Variants in KIAA1217 observed in about 807,000 individuals in gnomAD.
KIAA1217 encodes sickle tail protein homolog.
A neutral mutation model predicts 163.9 loss-of-function variants in KIAA1217; 88 were observed. The observed-to-expected ratio is 0.54, with a 90% CI of 0.45 to 0.64. KIAA1217 has a LOEUF of 0.64. Ranked by LOEUF, KIAA1217 falls within the 30% of genes least tolerant of loss-of-function variation. The pLI is 0.00. For missense variants in KIAA1217, 2,372 were observed against 2,475.0 expected (o/e 0.96, Z 0.88); for synonymous variants, 903 against 923.1 (o/e 0.98, Z 0.39).
At chr10:24,345,236 G>C (rs553419888) in intron 2 of KIAA1217, among the ~76,000 whole-genome samples, 2 of 152,344 alleles carry the variant, frequency 1.3e-5, no homozygotes, top group African/African-American at 4.8e-5. Flanking sequence ...AGCCACGGCA[G>C]ATCATGGCAG....
At chr10:23,941,412 A>G (rs1317757732) in intron 1 of KIAA1217, among the ~76,000 whole-genome samples, 2 of 152,222 alleles carry the variant, frequency 1.3e-5, no homozygotes, top group African/African-American at 4.8e-5. Flanking sequence ...GACCAAAAAC[A>G]CACAGAAACT....
chr10:24,201,068 C>T lies in KIAA1217; in HGVS notation c.-170-18558C>T, dbSNP rs186543886. Among the ~76,000 whole-genome samples, 87 of 152,110 alleles carry T rather than the reference C, an allele frequency of 5.7e-4. 1 individual carries two copies. In the East Asian group the frequency reaches 0.016, roughly 28 times the overall value. ...GGTAGATCACCTGAGGTCAGGCGTT[C>T]GAGACCAGTCTGGCCAACATGGTGA... On this transcript the variant is annotated intron_variant, in intron 2 of 18. Coordinates refer to the KIAA1217 transcript ENST00000376462.
At chr10:24,109,752 T>C (rs957062557) in intron 2 of KIAA1217, among the ~76,000 whole-genome samples, 3 of 152,212 alleles carry the variant, frequency 2.0e-5, no homozygotes, top group Admixed American at 6.5e-5. Context: ...ATAAAAAATA[T>C]AGGAAGAATT....
chr10:23,979,140 A>G (rs1385122038), intron 1 of KIAA1217, among the ~76,000 whole-genome samples: 4 of 152,312 alleles, frequency 2.6e-5, no homozygotes, highest in Admixed American at 6.5e-5. Flanking sequence ...TTAAATTGCT[A>G]TTATATCAAA....
chr10:24,400,962 T>TACACACACACACACACACACACAC lies in KIAA1217; in HGVS notation c.553+19909_553+19932dup, dbSNP rs375697958. Among the ~76,000 whole-genome samples the TACACACACACACACACACACACAC allele has an allele frequency of 1.3e-3, 157 of 117,166 alleles. 2 individuals are homozygous for TACACACACACACACACACACACAC. Among genetic ancestry groups the TACACACACACACACACACACACAC allele is most frequent in the African/African-American group, 4.4e-3 (133 of 30,170 alleles). The allele number at this position is 117,166 out of a possible 152,430, so 76.9% of individuals were successfully genotyped here. A position where few individuals can be genotyped will look rare whatever the true frequency, so the allele number is the denominator to read the frequency against. On this transcript the variant is annotated intron_variant, in intron 3 of 20. Transcript: ENST00000376454. The stretch of plus-strand genomic sequence containing the variant: ...AACACAAAATTCCAAGCAAGAAACA[T>TACACACACACACACACACACACAC]ACACACACACACACACACACACACA...
At chr10:24,179,885 G>C (rs1374131566) in intron 2 of KIAA1217, among the ~76,000 whole-genome samples, 1 of 152,140 alleles carries the variant, frequency 6.6e-6, no homozygotes, top group Non-Finnish European at 1.5e-5. Flanking sequence ...ACCATGCCTG[G>C]TCTAGGAATT....
At chr10:23,702,710 A>ACACAC (rs1564350157) in intron 1 of KIAA1217, among the ~76,000 whole-genome samples, 81 of 128,688 alleles carry the variant, frequency 6.3e-4, no homozygotes, top group African/African-American at 2.3e-3. Flanking sequence ...CACACACACA[A>ACACAC]ATATATTGTA....
intron 1 of KIAA1217, among the ~76,000 whole-genome samples, chr10:23,931,128 T>C (rs912834665): frequency 1.3e-5 from 2 of 152,260 alleles, no homozygotes; most frequent in South Asian, 2.1e-4. Context: ...GTCTTACTTA[T>C]AACAACAACT....
intron 1 of KIAA1217, among the ~76,000 whole-genome samples, chr10:23,973,938 G>C (rs1334356817): frequency 6.6e-6 from 1 of 152,172 alleles, no homozygotes; most frequent in Non-Finnish European, 1.5e-5. Flanking sequence ...AGAATCAGAT[G>C]TTAACCAAAT....
rs545847039 is a variant in KIAA1217, at chr10:24,210,407, A to G, written c.70+1144A>G. Reference sequence around the variant, plus strand: ...CTGCCAAAGCACAGCACTCTCCTTCAGGCTACCGGGGTCAGTGGCATCCAG... The same window carrying G: ...CTGCCAAAGCACAGCACTCTCCTTCGGGCTACCGGGGTCAGTGGCATCCAG... On this transcript the variant is annotated intron_variant, in intron 1 of 20. Transcript: ENST00000376454. Among the ~76,000 whole-genome samples the G allele has an allele frequency of 3.3e-5, 5 of 152,254 alleles. No homozygotes were observed. The East Asian group carries it at 9.7e-4, about 29-fold the overall frequency.
intron 1 of KIAA1217, among the ~76,000 whole-genome samples, chr10:23,760,455 A>C (rs1834199724): frequency 6.6e-6 from 1 of 152,236 alleles, no homozygotes. Context: ...ATTGAGATAG[A>C]AAGTTTCAGG....
intron 5 of KIAA1217, among the ~76,000 whole-genome samples, chr10:24,465,123 A>G (rs1019906853): frequency 6.6e-6 from 1 of 152,208 alleles, no homozygotes; most frequent in Non-Finnish European, 1.5e-5. Flanking sequence ...TGCCTAATGT[A>G]TACCAGATTC....
intron 5 of KIAA1217, chr10:24,466,570 A>G (rs1450431825): frequency 1.0e-6 from 1 of 985,220 alleles, no homozygotes; most frequent in Admixed American, 6.2e-5. Context: ...GGGTAATACG[A>G]AATGGTCTTT....
At chr10:24,407,095 A>T (rs887608068) in intron 3 of KIAA1217, among the ~76,000 whole-genome samples, 15 of 152,140 alleles carry the variant, frequency 9.9e-5, no homozygotes, top group Non-Finnish European at 1.8e-4. Context: ...TCTAGACCTT[A>T]ATTTTCTCCA....
chr10:24,056,049 AG>A (rs1349925357), intron 2 of KIAA1217, among the ~76,000 whole-genome samples: 1 of 152,140 alleles, frequency 6.6e-6, no homozygotes, highest in Non-Finnish European at 1.5e-5. Context: ...GCAAAAAAAA[AG>A]CTCCAATGCA....
chr10:24,034,988 T>A (rs1260266767), intron 2 of KIAA1217, among the ~76,000 whole-genome samples: 1 of 152,220 alleles, frequency 6.6e-6, no homozygotes, highest in Non-Finnish European at 1.5e-5. Flanking sequence ...ACAGAGGCAC[T>A]CTTCCCAGGT....
At chr10:24,538,731 G>GTTTTT (rs1564894700) in intron 17 of KIAA1217, among the ~76,000 whole-genome samples, 1 of 95,532 alleles carries the variant, frequency 1.0e-5, no homozygotes, top group Non-Finnish European at 2.2e-5. Flanking sequence ...TATTGTTTTT[G>GTTTTT]GTTTTTTTTT....
At chr10:24,448,791 C>T (rs1416687464) in intron 5 of KIAA1217, among the ~76,000 whole-genome samples, 1 of 152,186 alleles carries the variant, frequency 6.6e-6, no homozygotes, top group Admixed American at 6.5e-5. Flanking sequence ...TTACTGTAAG[C>T]GTTTACTGAT....
chr10:24,021,553 A>G (rs761568370), intron 2 of KIAA1217, among the ~76,000 whole-genome samples: 4 of 151,982 alleles, frequency 2.6e-5, no homozygotes, highest in Non-Finnish European at 4.4e-5. Context: ...TGTAATACCA[A>G]TGCAAATCCC....
Sources: allele counts gnomAD v4.1 joint callset (sites outside exome capture counted in the v4.1 genomes callset), GRCh38; gene constraint gnomAD v4.1.1; transcripts MANE v1.5; gene names NCBI Gene and HGNC (gene_info 2026-07-23, HGNC 2026-07-21).